SBF1: variants seen among roughly 807,000 people sequenced by gnomAD.
SBF1 encodes myotubularin-related protein 5.
A neutral mutation model predicts 215.8 loss-of-function variants in SBF1; 65 were observed. The observed-to-expected ratio is 0.30, with a 90% CI of 0.25 to 0.37. SBF1 has a LOEUF of 0.37. Ranked by LOEUF, SBF1 falls within the 10% of genes least tolerant of loss-of-function variation. The probability of loss-of-function intolerance (pLI) is 1.00; values close to 1 mark genes in which losing one functional copy is unlikely to be tolerated. For missense variants in SBF1, 2,634 were observed against 2,667.8 expected (o/e 0.99, Z 0.28); for synonymous variants, 1,410 against 1,122.8 (o/e 1.26, Z -5.11).
chr22:50,474,967 C>A lies in SBF1; in HGVS notation c.-127G>T. On this transcript the variant is annotated 5_prime_UTR_variant, in exon 1 of 41. Coordinates refer to ENST00000380817, the MANE Select transcript of SBF1 (RefSeq NM_002972.4). The stretch of plus-strand genomic sequence containing the variant: ...CCCCGGACACCCCTGGTTCGCTCCG[C>A]GGCGGCGGCGGCGGCGGCGGCGGCG... The A allele has an allele frequency of 5.1e-5, 1 of 19,672 alleles. No individual in the cohort carries two copies. Among genetic ancestry groups the A allele is most frequent in the Non-Finnish European group, 7.6e-5 (1 of 13,174 alleles). The allele number at this position is 19,672 out of a possible 1,614,324, so 1.2% of individuals were successfully genotyped here.
intron 37 of SBF1, 24 bp from the exon 38 acceptor site, chr22:50,448,468 G>C: frequency 2.5e-6 from 4 of 1,612,016 alleles, no homozygotes; most frequent in Non-Finnish European, 3.4e-6. Context: ...GTTGGGACTT[G>C]GGTCAGGGCT....
chr22:50,457,832 G>C (rs1011400301), intron 28 of SBF1, among the ~76,000 whole-genome samples: 7 of 152,258 alleles, frequency 4.6e-5, no homozygotes, highest in Non-Finnish European at 1.0e-4. Flanking sequence ...GGGTGGGACT[G>C]AGAGAGGCAA....
intron 1 of SBF1, among the ~76,000 whole-genome samples, chr22:50,473,544 G>C (rs1004267359): frequency 6.6e-6 from 1 of 152,224 alleles, no homozygotes; most frequent in Non-Finnish European, 1.5e-5. Flanking sequence ...GACATGAGCA[G>C]AGAGGAGTGT....
chr22:50,464,459 A>G lies in SBF1; in HGVS notation c.1637-18T>C. ...TATGGCAGCTGCGGGGACAGAATAC[A>G]CACACTCGGACCCCTGACCCCACGC... is the stretch of plus-strand genomic sequence containing the variant. On this transcript the variant is annotated intron_variant, in intron 14 of 40. Coordinates refer to ENST00000380817, the MANE Select transcript of SBF1 (RefSeq NM_002972.4). The G allele has an allele frequency of 1.9e-6, 3 of 1,608,910 alleles. No homozygotes were observed. The South Asian group carries it at 3.3e-5, about 18-fold the overall frequency.
At chr22:50,453,829 C>T (rs2067142001) in intron 36 of SBF1, among the ~76,000 whole-genome samples, 1 of 152,100 alleles carries the variant, frequency 6.6e-6, no homozygotes, top group Admixed American at 6.6e-5. Flanking sequence ...ACACAGCCAA[C>T]AGTGGGGAGC....
rs1263806867 is a variant in SBF1, at chr22:50,474,792, G to T, written c.49C>A (p.Pro17Thr). The T allele has an allele frequency of 6.8e-7, 1 of 1,461,214 alleles. No homozygotes were observed. Among genetic ancestry groups the T allele is most frequent in the Non-Finnish European group, 9.0e-7 (1 of 1,110,936 alleles). The allele number at this position is 1,461,214 out of a possible 1,614,324, so 90.5% of individuals were successfully genotyped here. ...GCTTGGCCTCGGCACTCACCGCGCG[G>T]GTGCGGCCCGAACGCCACCAGCACG... is the stretch of plus-strand genomic sequence containing the variant. ...YFVLVAFGPH[P>T]RGSGEGQGQI... Residue 17 changes from proline to threonine, a missense_variant, in exon 1 of 41, where the codon CCG becomes ACG. Pro to Thr is a conservative substitution (Grantham distance 38). Coordinates refer to ENST00000380817, the MANE Select transcript of SBF1 (RefSeq NM_002972.4).
At chr22:50,472,987 G>A (rs150144039) in intron 1 of SBF1, among the ~76,000 whole-genome samples, 3 of 152,276 alleles carry the variant, frequency 2.0e-5, no homozygotes, top group African/African-American at 4.8e-5. Context: ...GGGGCACCTT[G>A]GGCTCCAGCC....
Position 50,468,431 on chromosome 22 carries a change from T to C in SBF1, c.86A>G (p.Gln29Arg), listed in dbSNP as rs1428262826. 1 of 1,611,726 alleles carries C rather than the reference T, an allele frequency of 6.2e-7. No individual in the cohort carries two copies. Among genetic ancestry groups the C allele is most frequent in the Non-Finnish European group, 8.5e-7 (1 of 1,178,834 alleles). The change falls in exon 2 of 41, where the codon CAG (glutamine) becomes CGG (arginine). Residue 29 changes from glutamine (Q) to arginine (R), a missense_variant. By Grantham distance (43) the Gln-to-Arg change is conservative. Transcript: ENST00000380817. ...GSGEGQGQIL[Q>R]RFPEKDWEDN... ...CTCCCAGTCCTTCTCTGGGAAGCGC[T>C]GCAGAATCTGGCCCTGGCCTTCCCC...
intron 22 of SBF1, 26 bp downstream of exon 22, chr22:50,461,497 C>T (rs2067510696): frequency 6.4e-7 from 1 of 1,569,388 alleles, no homozygotes; most frequent in Non-Finnish European, 8.7e-7. Flanking sequence ...GAGGGGGCGA[C>T]AGGGCCAGAG....
At chr22:50,450,759 C>T (rs190501526) in intron 36 of SBF1, among the ~76,000 whole-genome samples, 7 of 152,218 alleles carry the variant, frequency 4.6e-5, no homozygotes, top group African/African-American at 9.6e-5. Context: ...ACCAAGCTGA[C>T]GCACAAGCTC....
At chr22:50,455,437 G>A in intron 32 of SBF1, 28 bp from the exon 33 acceptor site, 1 of 1,612,232 alleles carries the variant, frequency 6.2e-7, no homozygotes, top group Non-Finnish European at 8.5e-7. Flanking sequence ...AGGTCAGCGA[G>A]GAGCCCGGGA....
chr22:50,454,121 G>A (rs1007772283), intron 36 of SBF1, among the ~76,000 whole-genome samples: 8 of 152,232 alleles, frequency 5.3e-5, no homozygotes, highest in African/African-American at 1.4e-4. Context: ...AGCTGCTCAC[G>A]TTAGGTGGGG....
At chr22:50,451,404 G>C (rs1185683547) in intron 36 of SBF1, among the ~76,000 whole-genome samples, 1 of 152,034 alleles carries the variant, frequency 6.6e-6, no homozygotes, top group Admixed American at 6.6e-5. Context: ...AGAAAGAAAA[G>C]AGTAGTGAAC....
intron 29 of SBF1, 114 bp from the exon 30 acceptor site, chr22:50,456,787 G>A: frequency 2.1e-6 from 2 of 958,504 alleles, no homozygotes; most frequent in Non-Finnish European, 3.0e-6. Context: ...GGGGTGGTTG[G>A]CAGGACCCCA....
Position 50,461,203 on chromosome 22 carries a change from G to T in SBF1, c.2923C>A (p.Gln975Lys). The stretch of plus-strand genomic sequence containing the variant: ...AGCTGGAGCCCGTCCTGCAGGAGCT[G>T]GTCCACAGGGGTCTGGACGCTGATG... The part of the protein sequence containing the change: ...KRISVQTPVD[Q>K]LLQDGLQLRS... Residue 975 changes from glutamine to lysine, a missense_variant, in exon 23 of 41, where the codon CAG becomes AAG. Coordinates refer to ENST00000380817, the MANE Select transcript of SBF1 (RefSeq NM_002972.4). 1 of 1,611,364 alleles carries T rather than the reference G, an allele frequency of 6.2e-7. No individual in the cohort carries two copies. Among genetic ancestry groups the T allele is most frequent in the Non-Finnish European group, 8.5e-7 (1 of 1,178,650 alleles).
At chr22:50,473,507 C>A (rs1486618116) in intron 1 of SBF1, among the ~76,000 whole-genome samples, 1 of 152,158 alleles carries the variant, frequency 6.6e-6, no homozygotes, top group African/African-American at 2.4e-5. Flanking sequence ...TCATGACTGA[C>A]GGTGCCATAA....
At position 50,446,356 on chromosome 22, in the gene SBF1, T is replaced by TGCC. The variant is rs2066808396; in HGVS notation, c.*785_*786insGGC. On this transcript the variant is annotated 3_prime_UTR_variant, in exon 41 of 41. Coordinates refer to ENST00000380817, the MANE Select transcript of SBF1 (RefSeq NM_002972.4). ...CCTGCATTCCCCTGGGAGCCCACTGTCCCCCCCCCCCCCCCGCCTCCGGCC... is the reference window on the plus strand; with the variant it reads ...CCTGCATTCCCCTGGGAGCCCACTGTGCCCCCCCCCCCCCCCCCGCCTCCGGCC... 4 of 35,044 alleles carry TGCC rather than the reference T, an allele frequency of 1.1e-4. No homozygotes were observed. Among genetic ancestry groups the TGCC allele is most frequent in the South Asian group, 1.5e-3 (2 of 1,300 alleles). 2.2% of individuals were successfully genotyped at this position (35,044 alleles called of 1,614,324 possible).
rs2067196153 is a variant in SBF1 at position 50,455,113 on chromosome 22, C to T, written c.4584G>A (p.Glu1528=). Residue 1528 remains glutamate, a synonymous_variant, in exon 34 of 41, where the codon GAG becomes GAA. Transcript: ENST00000380817. ...QVHLQFPMEF[E]FSQFYLKFLG... ...GGAACTTGAGGTAGAACTGGCTGAA[C>T]TCAAACTCCATGGGGAACTGCAGGT... 1 of 1,614,026 alleles carries T rather than the reference C, an allele frequency of 6.2e-7. No homozygotes were observed. Among genetic ancestry groups the T allele is most frequent in the African/African-American group, 1.3e-5 (1 of 74,938 alleles).
In SBF1 at chr22:50,447,553, C is replaced by G; in HGVS notation, c.5420G>C (p.Arg1807Pro). Residue 1807 changes from arginine (R) to proline (P), a missense_variant, in exon 39 of 41, where the codon CGC becomes CCC. Coordinates refer to ENST00000380817, the MANE Select transcript of SBF1 (RefSeq NM_002972.4). Reference sequence around the variant, plus strand: ...CTTGGTCTTGTCCAGCACGAACCAGCGGGCCTTCCAAGGCTTCATGAAGGC... The same window carrying G: ...CTTGGTCTTGTCCAGCACGAACCAGGGGGCCTTCCAAGGCTTCATGAAGGC... ...KGAFMKPWKA[R>P]WFVLDKTKHQ... 6.2e-7 allele frequency: 1 copy of G among 1,613,416 alleles called. No homozygotes were observed. Among genetic ancestry groups the G allele is most frequent in the Non-Finnish European group, 8.5e-7 (1 of 1,179,774 alleles).
Sources: allele counts gnomAD v4.1 joint callset (sites outside exome capture counted in the v4.1 genomes callset), GRCh38; gene constraint gnomAD v4.1.1; transcripts MANE v1.5; gene names NCBI Gene and HGNC (gene_info 2026-07-23, HGNC 2026-07-21).